SLC67A1: variants seen among roughly 807,000 people sequenced by gnomAD.
SLC67A1 encodes the protein solute carrier family 67 member 1, also known as solute carrier family 67 member A1.
At chr11:2,913,698 A>G in the SLC67A1 span, among the ~76,000 whole-genome samples, 1 of 152,172 alleles carries the variant, frequency 6.6e-6, no homozygotes, top group Non-Finnish European at 1.5e-5. Context: ...CTTGTGAGCT[A>G]GGTGTCCCAC....
chr11:2,924,978 C>T, the SLC67A1 span: 1 of 1,577,442 alleles, frequency 6.3e-7, no homozygotes, highest in South Asian at 1.2e-5. The surrounding 1 kb of genome is among the most constrained non-coding windows in gnomAD (Gnocchi z 8.6). Context: ...AGGGAGCTGC[C>T]CAGGGCCTGA....
At chr11:2,911,871 C>G in the SLC67A1 span, among the ~76,000 whole-genome samples, 6 of 152,228 alleles carry the variant, frequency 3.9e-5, no homozygotes, top group South Asian at 2.1e-4. Flanking sequence ...TCATGTCCCT[C>G]TCCCTCCCAG....
the SLC67A1 span, chr11:2,903,843 C>T: frequency 4.3e-5 from 12 of 280,704 alleles, no homozygotes; most frequent in Admixed American, 9.1e-5. Flanking sequence ...CTGTTCAATC[C>T]GGTGTGGCTC....
chr11:2,909,655 G>C, the SLC67A1 span: 56 of 1,538,070 alleles, frequency 3.6e-5, no homozygotes, highest in Non-Finnish European at 4.4e-5. Flanking sequence ...CCTCTGCTTC[G>C]GCGTCGGAGT....
chr11:2,914,389 G>A, the SLC67A1 span, among the ~76,000 whole-genome samples: 1 of 152,162 alleles, frequency 6.6e-6, no homozygotes, highest in Admixed American at 6.5e-5. Flanking sequence ...GGGATGCCCA[G>A]GCTGTCCGGC....
the SLC67A1 span, among the ~76,000 whole-genome samples, chr11:2,906,055 C>T: frequency 6.6e-6 from 1 of 152,208 alleles, no homozygotes; most frequent in South Asian, 2.1e-4. Flanking sequence ...AGAAACTCAG[C>T]ATCCTCTATG....
the SLC67A1 span, chr11:2,922,558 T>A: frequency 1.1e-5 from 18 of 1,604,436 alleles, no homozygotes; most frequent in Non-Finnish European, 1.4e-5. Context: ...CGGACACAGG[T>A]GAGTGTGGCC....
the SLC67A1 span, chr11:2,903,505 C>G: frequency 2.5e-6 from 4 of 1,612,400 alleles, no homozygotes; most frequent in African/African-American, 2.7e-5. Flanking sequence ...TAACACACCC[C>G]AGCCCCTGCA....
At chr11:2,912,869 A>G in the SLC67A1 span, among the ~76,000 whole-genome samples, 151,888 of 152,314 alleles carry the variant, frequency 1, 75,734 homozygotes, top group Middle Eastern at 1. Context: ...TGCCTTCCCC[A>G]GGTGGACAGG....
the SLC67A1 span, chr11:2,908,360 C>T: frequency 6.6e-7 from 1 of 1,510,016 alleles, no homozygotes; most frequent in African/African-American, 1.4e-5. Flanking sequence ...AGGGGCTCTC[C>T]CCACAGTGAC....
the SLC67A1 span, chr11:2,919,497 G>T: frequency 1.0e-6 from 1 of 959,388 alleles, no homozygotes; most frequent in East Asian, 2.4e-5. Flanking sequence ...CCCGGCGGAG[G>T]CTGGGGAGCC....
chr11:2,900,681 A>C, the SLC67A1 span, among the ~76,000 whole-genome samples: 1 of 133,194 alleles, frequency 7.5e-6, no homozygotes, highest in Non-Finnish European at 1.6e-5. Context: ...TGACAGAGCA[A>C]GACTCCGTCT....
At chr11:2,908,254 C>G in the SLC67A1 span, 36 of 1,613,856 alleles carry the variant, frequency 2.2e-5, no homozygotes, top group Non-Finnish European at 3.1e-5. Context: ...GAAACTGGGC[C>G]TGGATTCCAT....
At chr11:2,918,067 G>C in the SLC67A1 span, 1 of 1,613,630 alleles carries the variant, frequency 6.2e-7, no homozygotes, top group South Asian at 1.1e-5. Flanking sequence ...GGATCTTCCT[G>C]GTGAAGGTGG....
chr11:2,907,503 C>T, the SLC67A1 span, among the ~76,000 whole-genome samples: 4 of 152,306 alleles, frequency 2.6e-5, no homozygotes, highest in South Asian at 2.1e-4. This position sits in a 1 kb window ranked among gnomAD's most constrained non-coding sequence, Gnocchi z 6.7. Flanking sequence ...AATGAGGACA[C>T]GGGTCACATT....
chr11:2,909,719 T>TG, the SLC67A1 span: 1 of 1,497,984 alleles, frequency 6.7e-7, no homozygotes, highest in Admixed American at 2.2e-5. Flanking sequence ...GGGTGAGTGG[T>TG]GGGGGCCGGG....
the SLC67A1 span, among the ~76,000 whole-genome samples, chr11:2,904,892 C>G: frequency 6.6e-6 from 1 of 152,200 alleles, no homozygotes; most frequent in African/African-American, 2.4e-5. Context: ...GACCACACCC[C>G]ACCTGCTGCT....
chr11:2,905,752 G>A, the SLC67A1 span, among the ~76,000 whole-genome samples: 14 of 152,328 alleles, frequency 9.2e-5, no homozygotes, highest in African/African-American at 2.2e-4. Context: ...TCAGAGCTCC[G>A]CCCTCAAATA....
the SLC67A1 span, among the ~76,000 whole-genome samples, chr11:2,912,342 T>C: frequency 6.6e-6 from 1 of 152,232 alleles, no homozygotes; most frequent in Non-Finnish European, 1.5e-5. Flanking sequence ...TGGTGCCCCA[T>C]GGCAAGGGCC....
Sources: allele counts gnomAD v4.1 joint callset (sites outside exome capture counted in the v4.1 genomes callset), GRCh38; gene constraint gnomAD v4.1.1; non-coding constraint Gnocchi (gnomAD v3.1); transcripts MANE v1.5; gene names NCBI Gene and HGNC (gene_info 2026-07-23, HGNC 2026-07-21).